TSHZ2: variants seen among roughly 807,000 people sequenced by gnomAD.
The protein encoded by TSHZ2 is teashirt homolog 2.
TSHZ2 carries 21 observed loss-of-function variants against 74.4 expected under a neutral mutation model. The observed-to-expected ratio is 0.28, with a 90% CI of 0.20 to 0.41. TSHZ2 has a LOEUF of 0.41. Ranked by LOEUF, TSHZ2 falls within the 10% of genes least tolerant of loss-of-function variation. The pLI, the probability that TSHZ2 is intolerant of heterozygous loss-of-function variation, is 1.00. For missense variants in TSHZ2, 1,244 were observed against 1,293.5 expected, an observed-to-expected ratio of 0.96 and a Z score of 0.59; for synonymous variants, 540 against 515.3, an observed-to-expected ratio of 1.05 and a Z score of -0.65.
chr20:53,340,184 C>CTTTT (rs557613827), intron 2 of TSHZ2, among the ~76,000 whole-genome samples: 1 of 109,872 alleles, frequency 9.1e-6, no homozygotes, highest in African/African-American at 3.5e-5. Flanking sequence ...TTTCTTTTTT[C>CTTTT]TTTTTTTTTT....
At chr20:53,082,292 C>G (rs1260288609) in intron 1 of TSHZ2, among the ~76,000 whole-genome samples, 1 of 152,142 alleles carries the variant, frequency 6.6e-6, no homozygotes, top group Non-Finnish European at 1.5e-5. Context: ...AAATTTTTCT[C>G]ATTTGTGAGA....
chr20:53,063,608 A>G (rs930172357), intron 1 of TSHZ2, among the ~76,000 whole-genome samples: 7 of 152,340 alleles, frequency 4.6e-5, no homozygotes, highest in African/African-American at 1.7e-4. Flanking sequence ...ATTTTGGAGC[A>G]TATTTTTCAT....
chr20:53,395,713 T>A (rs1401975687), intron 2 of TSHZ2, among the ~76,000 whole-genome samples: 1 of 152,202 alleles, frequency 6.6e-6, no homozygotes, highest in African/African-American at 2.4e-5. Flanking sequence ...CATCTTAACA[T>A]CTTTCATGAA....
intron 2 of TSHZ2, among the ~76,000 whole-genome samples, chr20:53,441,734 A>T (rs1984338800): frequency 6.6e-6 from 1 of 151,754 alleles, no homozygotes; most frequent in Non-Finnish European, 1.5e-5. Flanking sequence ...GGCATGTGCC[A>T]CCTTGCCTGG....
Position 53,234,602 on chromosome 20 carries a change from G to A in TSHZ2, c.41-18897G>A, listed in dbSNP as rs997513773. Among the ~76,000 whole-genome samples, 14 of 152,184 alleles carry A rather than the reference G, an allele frequency of 9.2e-5. 1 individual carries two copies. The highest frequency in any genetic ancestry group is 9.2e-4 in the Admixed American group (14 of 15,266). Reference sequence around the variant, plus strand: ...GACTGGTTGCAACGTTAAATAGGGTGACTGGAGTAAAGTGCCATCAGGAAA... The same window carrying A: ...GACTGGTTGCAACGTTAAATAGGGTAACTGGAGTAAAGTGCCATCAGGAAA... On this transcript the variant is annotated intron_variant, in intron 1 of 2. Coordinates refer to ENST00000371497, the MANE Select transcript of TSHZ2 (RefSeq NM_173485.6).
chr20:53,415,745 G>A (rs943263835), intron 2 of TSHZ2, among the ~76,000 whole-genome samples: 2 of 3,540 alleles, frequency 5.6e-4, no homozygotes, highest in African/African-American at 1.2e-3. Context: ...GTGTATATAT[G>A]TGTATGCACA....
chr20:53,463,541 C>G (rs1264674438), intron 2 of TSHZ2, among the ~76,000 whole-genome samples: 1 of 152,106 alleles, frequency 6.6e-6, no homozygotes, highest in Non-Finnish European at 1.5e-5. Context: ...GTTATGTGTT[C>G]TACCATGTCT....
intron 1 of TSHZ2, among the ~76,000 whole-genome samples, chr20:53,131,690 C>G (rs1449211852): frequency 6.6e-6 from 1 of 152,116 alleles, no homozygotes; most frequent in Non-Finnish European, 1.5e-5. Flanking sequence ...AAAAAGCTAA[C>G]TTTTCTTTTC....
intron 2 of TSHZ2, among the ~76,000 whole-genome samples, chr20:53,332,791 C>A (rs181519958): frequency 6.6e-6 from 1 of 152,134 alleles, no homozygotes; most frequent in South Asian, 2.1e-4. Context: ...AGACCTGATG[C>A]CTATTTTCAA....
chr20:53,010,175 T>C (rs1001826278), intron 1 of TSHZ2, among the ~76,000 whole-genome samples: 5 of 152,182 alleles, frequency 3.3e-5, no homozygotes, highest in African/African-American at 1.2e-4. Flanking sequence ...TGCAGTCTTT[T>C]GGATGGAACC....
intron 1 of TSHZ2, among the ~76,000 whole-genome samples, chr20:53,229,842 G>T (rs900752312): frequency 7.6e-6 from 1 of 131,978 alleles, no homozygotes. Context: ...AGAAAGAAAA[G>T]AAAAAAAGAA....
At chr20:53,188,772 TTATAAGAA>T (rs367645687) in intron 1 of TSHZ2, among the ~76,000 whole-genome samples, 38 of 152,306 alleles carry the variant, frequency 2.5e-4, no homozygotes, top group African/African-American at 8.7e-4. Context: ...GCTGCCTAAG[TTATAAGAA>T]CGTAAATTGC....
chr20:53,096,787 C>T (rs1338697948), intron 1 of TSHZ2, among the ~76,000 whole-genome samples: 1 of 151,694 alleles, frequency 6.6e-6, no homozygotes, highest in African/African-American at 2.4e-5. Flanking sequence ...GAGGCTGAGG[C>T]AGGAGAATCG....
Position 53,215,062 on chromosome 20 carries a change from C to T in TSHZ2, c.41-38437C>T, listed in dbSNP as rs185695342. On this transcript the variant is annotated intron_variant, in intron 1 of 2. Transcript: ENST00000371497. ...TGGGCGGGACCCATAGGCTAATGTC[C>T]TCCTGCAGAAATGCAGTTTGGGTTT... is the stretch of plus-strand genomic sequence containing the variant. Among the ~76,000 whole-genome samples the T allele has an allele frequency of 1.7e-3, 259 of 152,280 alleles. 1 individual carries two copies. Among genetic ancestry groups the T allele is most frequent in the African/African-American group, 5.1e-3 (210 of 41,536 alleles).
chr20:53,389,914 C>G (rs925266670), intron 2 of TSHZ2, among the ~76,000 whole-genome samples: 1 of 152,200 alleles, frequency 6.6e-6, no homozygotes. Flanking sequence ...GCCTTTTCGT[C>G]TAGACCATGG....
chr20:53,176,764 G>A (rs867103220), intron 1 of TSHZ2, among the ~76,000 whole-genome samples: 1 of 149,824 alleles, frequency 6.7e-6, no homozygotes, highest in Middle Eastern at 3.6e-3. Flanking sequence ...TCGGCTCACT[G>A]CAACCTCCGC....
chr20:53,176,844 G>A (rs766092963), intron 1 of TSHZ2, among the ~76,000 whole-genome samples: 3 of 151,414 alleles, frequency 2.0e-5, no homozygotes, highest in Non-Finnish European at 4.4e-5. Context: ...GCGTCACCAC[G>A]CCCAGCTAAT....
At chr20:53,474,680 A>G (rs1275869447) in intron 2 of TSHZ2, among the ~76,000 whole-genome samples, 2 of 129,274 alleles carry the variant, frequency 1.5e-5, no homozygotes, top group Non-Finnish European at 3.2e-5. Context: ...ATGTAAATGG[A>G]CTAAATGCTC....
At chr20:53,348,811 T>G (rs1473218968) in intron 2 of TSHZ2, among the ~76,000 whole-genome samples, 2 of 152,242 alleles carry the variant, frequency 1.3e-5, no homozygotes, top group Non-Finnish European at 2.9e-5. Flanking sequence ...ATATTTTCCT[T>G]CAAAGTACTC....
Sources: gnomAD v4.1 joint callset for allele counts (sites outside exome capture counted in the v4.1 genomes callset) on GRCh38, gnomAD v4.1.1 for gene constraint, MANE v1.5 for transcripts, NCBI Gene and HGNC (gene_info 2026-07-23, HGNC 2026-07-21) for gene names.